Variants in RBMS2 observed in about 807,000 individuals in gnomAD.
The protein encoded by RBMS2 is RNA-binding motif, single-stranded-interacting protein 2.
RBMS2 carries 38 observed loss-of-function variants against 58.4 expected under a neutral mutation model. The ratio of observed to expected loss-of-function variants is 0.65; its 90% CI spans 0.50 to 0.85. RBMS2 has a LOEUF of 0.85. Among genes scored for constraint, RBMS2 ranks in the 40% least tolerant of loss-of-function variants. The probability of loss-of-function intolerance (pLI) is 0.00; values close to 1 mark genes in which losing one functional copy is unlikely to be tolerated. For synonymous variants in RBMS2, 151 were observed against 180.7 expected (o/e 0.84, Z 1.32); for missense variants, 367 against 503.7 (o/e 0.73, Z 2.60).
At chr12:56,549,464 TGGAA>T (rs771519880) in intron 1 of RBMS2, among the ~76,000 whole-genome samples, 2 of 152,072 alleles carry the variant, frequency 1.3e-5, no homozygotes, top group Non-Finnish European at 2.9e-5. Flanking sequence ...AGAGAGCAAA[TGGAA>T]GGACACTCTC....
At position 56,590,476 on chromosome 12, in the gene RBMS2, C is replaced by T. The variant is rs1307007923; in HGVS notation, c.*1343C>T. The T allele has an allele frequency of 6.6e-6, 1 of 152,286 alleles. No individual in the cohort carries two copies. Among genetic ancestry groups the T allele is most frequent in the Non-Finnish European group, 1.5e-5 (1 of 68,136 alleles). 9.4% of individuals were successfully genotyped at this position (152,286 alleles called of 1,614,324 possible). ...ACACTGCATAGGATAGTCCCCACTA[C>T]CCCCAGCCAAGAATTATCTGACTCC... On this transcript the variant is annotated 3_prime_UTR_variant, in exon 14 of 14. Coordinates refer to ENST00000262031, the MANE Select transcript of RBMS2 (RefSeq NM_002898.4).
rs187530943 is a variant in RBMS2 at position 56,571,577 on chromosome 12, A to G, written c.385-121A>G. 2.6e-4 allele frequency: 286 copies of G among 1,098,396 alleles called. 1 individual carries two copies. In the African/African-American group the frequency reaches 4.2e-3, roughly 16 times the overall value. 68.0% of individuals were successfully genotyped at this position (1,098,396 alleles called of 1,614,324 possible). On this transcript the variant is annotated intron_variant, in intron 4 of 13. Coordinates refer to ENST00000262031, the MANE Select transcript of RBMS2 (RefSeq NM_002898.4). ...GGACTGGGTGTTAACAAATAGAATA[A>G]TCTTTGTTTATGTGGGACCCTTCCT... is the stretch of plus-strand genomic sequence containing the variant.
chr12:56,575,652 T>G (rs1883014231), intron 5 of RBMS2, among the ~76,000 whole-genome samples: 1 of 151,958 alleles, frequency 6.6e-6, no homozygotes, highest in Admixed American at 6.6e-5. Context: ...CCCAACACTT[T>G]GGGAAGCCAA....
intron 1 of RBMS2, among the ~76,000 whole-genome samples, chr12:56,556,439 G>C (rs545550722): frequency 1.3e-5 from 2 of 149,948 alleles, no homozygotes; most frequent in East Asian, 3.9e-4. Flanking sequence ...GCAGTGGCGC[G>C]ATCTGGGCTC....
chr12:56,533,147 G>T (rs923213194), intron 1 of RBMS2, among the ~76,000 whole-genome samples: 1 of 151,652 alleles, frequency 6.6e-6, no homozygotes, highest in South Asian at 2.1e-4. Flanking sequence ...GTCATCCAGA[G>T]TGGAGTGCAG....
chr12:56,531,599 C>T (rs148040185), intron 1 of RBMS2, among the ~76,000 whole-genome samples: 1,817 of 151,546 alleles, frequency 0.012, 11 homozygotes, highest in South Asian at 0.015. Context: ...GAGGCTGAGG[C>T]GGGCGGATCA....
At chr12:56,536,960 GT>G (rs1875008798) in intron 1 of RBMS2, among the ~76,000 whole-genome samples, 1 of 117,568 alleles carries the variant, frequency 8.5e-6, no homozygotes. Context: ...TTGCTCTGTT[GT>G]GCAGGCTGGA....
chr12:56,550,895 A>G (rs1430578209), intron 1 of RBMS2, among the ~76,000 whole-genome samples: 1 of 151,598 alleles, frequency 6.6e-6, no homozygotes, highest in Non-Finnish European at 1.5e-5. Flanking sequence ...GGGAAGGGAT[A>G]GGCTGAGGCA....
At chr12:56,551,119 C>CAA (rs567646796) in intron 1 of RBMS2, among the ~76,000 whole-genome samples, 2 of 91,994 alleles carry the variant, frequency 2.2e-5, no homozygotes, top group African/African-American at 4.3e-5. Context: ...GACCCTGTTT[C>CAA]AAAAAAAAAA....
rs1283823589 is a variant in RBMS2 at position 56,586,840 on chromosome 12, T to C, written c.874-9T>C. Reference sequence around the variant, plus strand: ...AGGCAATTAACATTTTTGTTTTTGCTTGTTTTAGAGAGTGACTCAGACATC... The same window carrying C: ...AGGCAATTAACATTTTTGTTTTTGCCTGTTTTAGAGAGTGACTCAGACATC... On this transcript the variant is annotated splice_polypyrimidine_tract_variant and intron_variant, in intron 9 of 13. Transcript: ENST00000262031. 2 of 1,610,772 alleles carry C rather than the reference T, an allele frequency of 1.2e-6. No individual in the cohort carries two copies. The highest frequency in any genetic ancestry group is 1.1e-5 in the South Asian group (1 of 91,018).
chr12:56,533,543 G>A (rs1874200191), intron 1 of RBMS2, among the ~76,000 whole-genome samples: 1 of 146,438 alleles, frequency 6.8e-6, no homozygotes, highest in African/African-American at 2.5e-5. Context: ...AGCCTTCTGA[G>A]TAGGTGGGAC....
At chr12:56,588,805 C>T (rs374965467) in intron 12 of RBMS2, 127 bp from the exon 13 acceptor site, 1 of 822,152 alleles carries the variant, frequency 1.2e-6, no homozygotes, top group Non-Finnish European at 2.1e-6. Context: ...GAAACACTCA[C>T]ACATGAGTGT....
intron 1 of RBMS2, among the ~76,000 whole-genome samples, chr12:56,542,764 G>T (rs530641890): frequency 4.0e-5 from 6 of 151,604 alleles, no homozygotes; most frequent in Admixed American, 1.3e-4. Context: ...TGCCCAGGAT[G>T]GTCTCAAACT....
chr12:56,526,658 C>T (rs796645158), intron 1 of RBMS2, among the ~76,000 whole-genome samples: 10 of 83,118 alleles, frequency 1.2e-4, no homozygotes, highest in African/African-American at 3.6e-4. Flanking sequence ...CCTTCAGTAA[C>T]TTGGTTCATT....
chr12:56,535,956 G>A (rs960399810), intron 1 of RBMS2, among the ~76,000 whole-genome samples: 2 of 152,024 alleles, frequency 1.3e-5, no homozygotes, highest in African/African-American at 4.8e-5. Flanking sequence ...TAGCACTTTG[G>A]GAGGCCAAGG....
intron 1 of RBMS2, among the ~76,000 whole-genome samples, chr12:56,556,132 G>T (rs898536801): frequency 2.0e-5 from 3 of 151,740 alleles, no homozygotes; most frequent in African/African-American, 7.3e-5. Flanking sequence ...ATACTACACA[G>T]TGGCTCACTC....
rs149293582 is a variant in RBMS2 at position 56,531,372 on chromosome 12, G to A, written c.66+9283G>A. Reference sequence around the variant, plus strand: ...GTTAAGCAAAGGAAGGAAGCATTATGTTCTATACAAACCCTGAAATACGGA... The same window carrying A: ...GTTAAGCAAAGGAAGGAAGCATTATATTCTATACAAACCCTGAAATACGGA... On this transcript the variant is annotated intron_variant, in intron 1 of 13. Coordinates refer to ENST00000262031, the MANE Select transcript of RBMS2 (RefSeq NM_002898.4). Among the ~76,000 whole-genome samples the A allele has an allele frequency of 1.2e-4, 19 of 152,202 alleles. 1 individual carries two copies. The highest frequency in any genetic ancestry group is 4.6e-4 in the African/African-American group (19 of 41,528).
intron 1 of RBMS2, among the ~76,000 whole-genome samples, chr12:56,532,716 A>G (rs1267478000): frequency 1.3e-5 from 2 of 151,516 alleles, no homozygotes; most frequent in African/African-American, 2.4e-5. Context: ...TTCTTTTATT[A>G]TCTTGAATAT....
intron 4 of RBMS2, 32 bp from the exon 5 acceptor site, chr12:56,571,666 T>C (rs754161063): frequency 1.3e-5 from 20 of 1,490,474 alleles, no homozygotes; most frequent in Non-Finnish European, 1.7e-5. Flanking sequence ...ATAAGAGATG[T>C]GAGCCTCATT....
Sources: allele counts gnomAD v4.1 joint callset (sites outside exome capture counted in the v4.1 genomes callset), GRCh38; gene constraint gnomAD v4.1.1; transcripts MANE v1.5; gene names NCBI Gene and HGNC (gene_info 2026-07-23, HGNC 2026-07-21).